Variants in NET1 observed in about 807,000 individuals in gnomAD.
The protein encoded by NET1 is neuroepithelial cell transforming 1, also known as neuroepithelial cell-transforming gene 1 protein.
NET1 carries 42 observed loss-of-function variants against 61.1 expected under a neutral mutation model. That is an observed-to-expected ratio of 0.69 (90% CI 0.54 to 0.89). The LOEUF is 0.89. Ranked by LOEUF, NET1 falls within the 40% of genes least tolerant of loss-of-function variation. NET1 has a pLI of 0.00. For missense variants in NET1, 654 were observed against 747.3 expected, an observed-to-expected ratio of 0.88 and a Z score of 1.46; for synonymous variants, 254 against 281.8, an observed-to-expected ratio of 0.90 and a Z score of 0.99.
chr10:5,446,739 A>G lies in NET1; in HGVS notation c.256-5091A>G. 1 of 1,576,852 alleles carries G rather than the reference A, an allele frequency of 6.3e-7. No individual in the cohort carries two copies. Among genetic ancestry groups the G allele is most frequent in the Non-Finnish European group, 8.6e-7 (1 of 1,157,818 alleles). On this transcript the variant is annotated intron_variant, in intron 3 of 11. Transcript: ENST00000355029. This position sits in a 1 kb window ranked among gnomAD's most constrained non-coding sequence, Gnocchi z 5.0. ...CGCTGACTCGGTGTGGATTGATTGG[A>G]AAGGTTTGAGGGAGTACTTGGGAAG...
intron 1 of NET1, among the ~76,000 whole-genome samples, chr10:5,425,823 GA>G (rs1273131825): frequency 6.6e-6 from 1 of 151,868 alleles, no homozygotes; most frequent in Non-Finnish European, 1.5e-5. Context: ...TTTCCACAAG[GA>G]AAAAAATAAT....
At chr10:5,430,772 G>GT (rs1470418206) in intron 3 of NET1, among the ~76,000 whole-genome samples, 1 of 151,544 alleles carries the variant, frequency 6.6e-6, no homozygotes, top group African/African-American at 2.4e-5. Context: ...TTGTTTGTGT[G>GT]TTTTTGTGGG....
chr10:5,436,180 TGTGTGTTGTG>T (rs1396887690), intron 3 of NET1, among the ~76,000 whole-genome samples: 1 of 64,800 alleles, frequency 1.5e-5, no homozygotes, highest in African/African-American at 5.6e-5. Context: ...TGTGTGTGTG[TGTGTGTTGTG>T]TGTGTGTGTG....
At position 5,417,099 on chromosome 10, in the gene NET1, G is replaced by A. The variant is rs76970083; in HGVS notation, c.128+4279G>A. ...GTTTTGCCCTGGTGTCAGGTTGCCC[G>A]ATTCTCCTCCAACCTCCCTGGCCAA... On this transcript the variant is annotated intron_variant, in intron 1 of 11. Coordinates refer to ENST00000355029, the MANE Select transcript of NET1 (RefSeq NM_001047160.3). This position sits in a 1 kb window ranked among gnomAD's most constrained non-coding sequence, Gnocchi z 5.5. 5.3e-5 allele frequency among the ~76,000 whole-genome samples: 8 copies of A among 152,298 alleles called. No individual in the cohort carries two copies. Among genetic ancestry groups the A allele is most frequent in the East Asian group, 1.9e-4 (1 of 5,172 alleles).
chr10:5,449,894 CCT>C lies in NET1; in HGVS notation c.256-1933_256-1932del, dbSNP rs769641847. On this transcript the variant is annotated intron_variant, in intron 3 of 11. Transcript: ENST00000355029. The surrounding 1 kb of genome is among the most constrained non-coding windows in gnomAD (Gnocchi z 4.4). ...GCATGAAACAAGGAAGAGGAGTTAA[CCT>C]CTGTTCCCAAAAAGCGGAACAGAAC... 1.3e-5 allele frequency among the ~76,000 whole-genome samples: 2 copies of C among 152,196 alleles called. No individual in the cohort carries two copies. Among genetic ancestry groups the C allele is most frequent in the Non-Finnish European group, 2.9e-5 (2 of 68,038 alleles).
chr10:5,450,715 G>A (rs1470137154), intron 3 of NET1, among the ~76,000 whole-genome samples: 1 of 152,068 alleles, frequency 6.6e-6, no homozygotes, highest in South Asian at 2.1e-4. Context: ...AAATAGTTAT[G>A]CTCCATAGAC....
In NET1 at chr10:5,446,505, T is replaced by C. The variant is rs1488275544; in HGVS notation, c.256-5325T>C. ...TGAGAGGCCTAGGTGTGCCCAGCTC[T>C]CAGTTAACTGAAGTCACGTGGTGGT... On this transcript the variant is annotated intron_variant, in intron 3 of 11. Transcript: ENST00000355029. The surrounding 1 kb of genome is among the most constrained non-coding windows in gnomAD (Gnocchi z 5.0). 9.6e-7 allele frequency: 1 copy of C among 1,043,714 alleles called. No homozygotes were observed. The highest frequency in any genetic ancestry group is 1.2e-6 in the Non-Finnish European group (1 of 855,486). 64.7% of individuals were successfully genotyped at this position (1,043,714 alleles called of 1,614,324 possible). A position where few individuals can be genotyped will look rare whatever the true frequency, so the allele number is the denominator to read the frequency against.
At position 5,427,276 on chromosome 10, in the gene NET1, G is replaced by A. The variant is rs1311591895; in HGVS notation, c.195+555G>A. Among the ~76,000 whole-genome samples, 1 of 151,974 alleles carries A rather than the reference G, an allele frequency of 6.6e-6. No individual in the cohort carries two copies. Among genetic ancestry groups the A allele is most frequent in the African/African-American group, 2.4e-5 (1 of 41,404 alleles). On this transcript the variant is annotated intron_variant, in intron 2 of 11. Coordinates refer to ENST00000355029, the MANE Select transcript of NET1 (RefSeq NM_001047160.3). The surrounding 1 kb of genome is among the most constrained non-coding windows in gnomAD (Gnocchi z 4.1). ...AGCTCATAATACATATATAAAGTACGTACAAATAGATCATGATTCTTATGC... is the reference window on the plus strand; with the variant it reads ...AGCTCATAATACATATATAAAGTACATACAAATAGATCATGATTCTTATGC...
At position 5,454,701 on chromosome 10, in the gene NET1, C is replaced by T. The variant is rs944602744; in HGVS notation, c.1026+179C>T. Among the ~76,000 whole-genome samples, 3 of 152,204 alleles carry T rather than the reference C, an allele frequency of 2.0e-5. No individual in the cohort carries two copies. The highest frequency in any genetic ancestry group is 7.2e-5 in the African/African-American group (3 of 41,450). On this transcript the variant is annotated intron_variant, in intron 9 of 11. Transcript: ENST00000355029. This position sits in a 1 kb window ranked among gnomAD's most constrained non-coding sequence, Gnocchi z 8.1. ...ATAAGGAGCTGTGTATGCTGGACTT[C>T]GCACATTTTGTATCTTAAGGGACAG...
Position 5,453,324 on chromosome 10 carries a change from C to T in NET1, c.669C>T (p.Asp223=). ...EELTHIFGDL[D]SYIPLHEDLL... is the part of the protein sequence containing the mutation. ...TCACACATATATTTGGTGATCTGGACTCTTACATACCTCTGCATGAAGGTT... is the reference window on the plus strand; with the variant it reads ...TCACACATATATTTGGTGATCTGGATTCTTACATACCTCTGCATGAAGGTT... The change falls in exon 7 of 12, where the codon GAC becomes GAT. Residue 223 remains aspartate (D), a synonymous_variant. Transcript: ENST00000355029. The surrounding 1 kb of genome is among the most constrained non-coding windows in gnomAD (Gnocchi z 4.9). 6.2e-7 allele frequency: 1 copy of T among 1,611,078 alleles called. No individual in the cohort carries two copies. The highest frequency in any genetic ancestry group is 8.5e-7 in the Non-Finnish European group (1 of 1,177,250).
intron 3 of NET1, among the ~76,000 whole-genome samples, chr10:5,445,740 CATT>C (rs1832597335): frequency 2.6e-5 from 4 of 152,228 alleles, no homozygotes; most frequent in Admixed American, 2.6e-4. Flanking sequence ...TGGTCACTGT[CATT>C]ATTGTCACTT....
In NET1 at chr10:5,425,210, ACCT is replaced by A. The variant is rs372314604; in HGVS notation, c.129-1440_129-1438del. ...TTAATTCATCTGTGAAGCTTTCCAG[ACCT>A]CCTCTTTTACCTTATAGCCAGTTTC... On this transcript the variant is annotated intron_variant, in intron 1 of 11. Transcript: ENST00000355029. Among the ~76,000 whole-genome samples, 50 of 151,968 alleles carry A rather than the reference ACCT, an allele frequency of 3.3e-4. No homozygotes were observed. The East Asian group carries it at 6.4e-3, about 19-fold the overall frequency.
rs765935662 is a variant in NET1, at chr10:5,412,791, C to G, written c.99C>G (p.Ala33=). 5.3e-5 allele frequency: 77 copies of G among 1,450,824 alleles called. No individual in the cohort carries two copies. Among genetic ancestry groups the G allele is most frequent in the Middle Eastern group, 4.7e-4 (2 of 4,258 alleles). 89.9% of individuals were successfully genotyped at this position (1,450,824 alleles called of 1,614,324 possible). ...CGGAGGGAGCGACGGGGCCTTCGGC[C>G]GACACCTCCGGGTCGGAGCTGGACG... The part of the protein sequence containing the change: ...LSTEGATGPS[A]DTSGSELDGR... Residue 33 remains alanine, a synonymous_variant, in exon 1 of 12, where the codon GCC becomes GCG. Transcript: ENST00000355029. The surrounding 1 kb of genome is among the most constrained non-coding windows in gnomAD (Gnocchi z 6.5).
In NET1 at chr10:5,427,874, G is replaced by C. The variant is rs756561053; in HGVS notation, c.195+1153G>C. 1.6e-4 allele frequency among the ~76,000 whole-genome samples: 24 copies of C among 152,090 alleles called. No individual in the cohort carries two copies. The highest frequency in any genetic ancestry group is 3.9e-4 in the East Asian group (2 of 5,178). On this transcript the variant is annotated intron_variant, in intron 2 of 11. Transcript: ENST00000355029. The surrounding 1 kb of genome is among the most constrained non-coding windows in gnomAD (Gnocchi z 4.1). The stretch of plus-strand genomic sequence containing the variant: ...TAGAATTTGACTTTGAGAATTTTCT[G>C]TTCATTTTAGTGTGAATTTAGTTTT...
At chr10:5,445,835 G>A (rs1832598364) in intron 3 of NET1, among the ~76,000 whole-genome samples, 2 of 152,112 alleles carry the variant, frequency 1.3e-5, no homozygotes, top group Non-Finnish European at 1.5e-5. Context: ...GCTATATCAA[G>A]ATCAGTTAAT....
Position 5,456,611 on chromosome 10 carries a change from T to C in NET1, c.1408T>C (p.Phe470Leu). The change falls in exon 12 of 12, where the codon TTC becomes CTC. Residue 470 changes from phenylalanine to leucine, a missense_variant. Physicochemically the swap from Phe to Leu is conservative, Grantham distance 22. Coordinates refer to ENST00000355029, the MANE Select transcript of NET1 (RefSeq NM_001047160.3). The surrounding 1 kb of genome is among the most constrained non-coding windows in gnomAD (Gnocchi z 7.0). ...EKAKNIFRIRFHDPSPAQSHT... is the reference protein window; with the variant it reads ...EKAKNIFRIRLHDPSPAQSHT... ...AGCTAAAAATATCTTTAGAATTCGC[T>C]TCCATGACCCCTCTCCAGCCCAGTC... 6.5e-7 allele frequency: 1 copy of C among 1,538,082 alleles called. No individual in the cohort carries two copies.
At chr10:5,438,420 G>T (rs1166397522) in intron 3 of NET1, among the ~76,000 whole-genome samples, 1 of 152,082 alleles carries the variant, frequency 6.6e-6, no homozygotes, top group Non-Finnish European at 1.5e-5. Flanking sequence ...CTACCATATT[G>T]TACAGAAATA....
In NET1 at chr10:5,458,205, AG is replaced by A; in HGVS notation, c.*1212del. The A allele has an allele frequency of 6.6e-6, 1 of 152,348 alleles. No homozygotes were observed. Among genetic ancestry groups the A allele is most frequent in the South Asian group, 2.1e-4 (1 of 4,828 alleles). 9.4% of individuals were successfully genotyped at this position (152,348 alleles called of 1,614,324 possible). A position where few individuals can be genotyped will look rare whatever the true frequency, so the allele number is the denominator to read the frequency against. On this transcript the variant is annotated 3_prime_UTR_variant, in exon 12 of 12. Transcript: ENST00000355029. The surrounding 1 kb of genome is among the most constrained non-coding windows in gnomAD (Gnocchi z 4.5). ...ATATTAGATAAATTTTCGTGGATTT[AG>A]TCATAAGATGGAAAAAGACTGGTGA...
chr10:5,452,449 G>A lies in NET1; in HGVS notation c.455G>A (p.Ser152Asn), dbSNP rs751581044. The A allele has an allele frequency of 1.2e-6, 2 of 1,614,050 alleles. No homozygotes were observed. The highest frequency in any genetic ancestry group is 1.7e-6 in the Non-Finnish European group (2 of 1,180,038). ...GTCCCAACACCCGCCAAGAGAAGGA[G>A]CAGTGCACTGTGGTCAGAGATGCTG... is the stretch of plus-strand genomic sequence containing the variant. ...STVPTPAKRRSSALWSEMLDI... is the reference protein window; with the variant it reads ...STVPTPAKRRNSALWSEMLDI... The change falls in exon 5 of 12, where the codon AGC (serine) becomes AAC (asparagine). Residue 152 changes from serine (S) to asparagine (N), a missense_variant. Coordinates refer to ENST00000355029, the MANE Select transcript of NET1 (RefSeq NM_001047160.3). The surrounding 1 kb of genome is among the most constrained non-coding windows in gnomAD (Gnocchi z 4.0).
Sources: allele counts gnomAD v4.1 joint callset (sites outside exome capture counted in the v4.1 genomes callset), GRCh38; gene constraint gnomAD v4.1.1; non-coding constraint Gnocchi (gnomAD v3.1); transcripts MANE v1.5; gene names NCBI Gene and HGNC (gene_info 2026-07-23, HGNC 2026-07-21).